The following SERP1 variants were observed in gnomAD, a reference collection of about 807,000 sequenced individuals.
The protein encoded by SERP1 is stress-associated endoplasmic reticulum protein 1.
In SERP1, 6 loss-of-function variants were observed where a neutral mutation model predicts 8.8. The observed-to-expected ratio is 0.68, with a 90% confidence interval of 0.37 to 1.35. The LOEUF (loss-of-function observed/expected upper bound fraction) is 1.35. SERP1 is among the 40% of genes most tolerant of loss of function. The pLI, the probability that SERP1 is intolerant of heterozygous loss-of-function variation, is 0.02. For synonymous variants in SERP1, 36 were observed against 28.7 expected (o/e 1.25, Z -0.81); for missense variants, 52 against 86.2 (o/e 0.60, Z 1.57).
chr3:150,542,604 T>G lies in SERP1; in HGVS notation c.*1854A>C, dbSNP rs773035972. 2 of 152,294 alleles carry G rather than the reference T, an allele frequency of 1.3e-5. No homozygotes were observed. The highest frequency in any genetic ancestry group is 4.1e-4 in the South Asian group (2 of 4,832). The allele number at this position is 152,294 out of a possible 1,614,324, so 9.4% of individuals were successfully genotyped here. A position where few individuals can be genotyped will look rare whatever the true frequency, so the allele number is the denominator to read the frequency against. On this transcript the variant is annotated 3_prime_UTR_variant, in exon 3 of 3. Transcript: ENST00000239944. ...TGCATAATCCAACCTGAATATAAAC[T>G]GCACTTAATTGGTGAATTACACATG...
rs1212439021 is a variant in SERP1 at position 150,545,767 on chromosome 3, G to A, written c.96C>T (p.Pro32=). ...AGGGTCCTACAGACGCCTTCTCTTC[G>A]GGGGCATTTCTCTGCAAAAGCGAAA... ...GNVAKTSRNA[P]EEKASVGPWL... The change falls in exon 2 of 3, where the codon CCC becomes CCT. Residue 32 remains proline, a synonymous_variant. Coordinates refer to ENST00000239944, the MANE Select transcript of SERP1 (RefSeq NM_014445.4). 3.1e-6 allele frequency: 5 copies of A among 1,606,776 alleles called. 1 individual carries two copies. In the African/African-American group the frequency reaches 4.0e-5, roughly 13 times the overall value.
At chr3:150,545,678 T>C (rs1722976595) in intron 2 of SERP1, 25 bp downstream of exon 2, 2 of 1,591,026 alleles carry the variant, frequency 1.3e-6, no homozygotes, top group Non-Finnish European at 1.7e-6. Flanking sequence ...AGACTCTACC[T>C]GATGGGAGCC....
chr3:150,544,236 A>T lies in SERP1; in HGVS notation c.*222T>A. 1.9e-6 allele frequency: 1 copy of T among 529,186 alleles called. No individual in the cohort carries two copies. 32.8% of individuals were successfully genotyped at this position (529,186 alleles called of 1,614,324 possible). On this transcript the variant is annotated 3_prime_UTR_variant, in exon 3 of 3. Coordinates refer to ENST00000239944, the MANE Select transcript of SERP1 (RefSeq NM_014445.4). The stretch of plus-strand genomic sequence containing the variant: ...TACTGTATCTTAACAATCAAATTTT[A>T]TTGCTTTATTCATGTGGTGTTTTTT...
At chr3:150,545,889 G>C (rs948127338) in intron 1 of SERP1, 111 bp from the exon 2 acceptor site, 1 of 1,357,266 alleles carries the variant, frequency 7.4e-7, no homozygotes, top group Non-Finnish European at 1.0e-6. Flanking sequence ...CTCCCCTTCC[G>C]TTCCCGAGCC....
rs1722919075 is a variant in SERP1, at chr3:150,543,424, G to C, written c.*1034C>G. The C allele has an allele frequency of 6.6e-6, 1 of 152,580 alleles. No homozygotes were observed. The highest frequency in any genetic ancestry group is 2.4e-5 in the African/African-American group (1 of 41,444). The allele number at this position is 152,580 out of a possible 1,614,324, so 9.5% of individuals were successfully genotyped here. A position where few individuals can be genotyped will look rare whatever the true frequency, so the allele number is the denominator to read the frequency against. On this transcript the variant is annotated 3_prime_UTR_variant, in exon 3 of 3. Coordinates refer to ENST00000239944, the MANE Select transcript of SERP1 (RefSeq NM_014445.4). ...TCAATTCCAGATGCCACTTTAGGCT[G>C]ATGTGTCTAGTACCCTAATGATTGA...
rs918050467 is a variant in SERP1, at chr3:150,542,644, T to C, written c.*1814A>G. The C allele has an allele frequency of 6.8e-6, 1 of 146,584 alleles. No individual in the cohort carries two copies. The highest frequency in any genetic ancestry group is 1.5e-5 in the Non-Finnish European group (1 of 65,996). 9.1% of individuals were successfully genotyped at this position (146,584 alleles called of 1,614,324 possible). A position where few individuals can be genotyped will look rare whatever the true frequency, so the allele number is the denominator to read the frequency against. On this transcript the variant is annotated 3_prime_UTR_variant, in exon 3 of 3. Coordinates refer to ENST00000239944, the MANE Select transcript of SERP1 (RefSeq NM_014445.4). ...AATTACACATGAAATACAAAGGGAA[T>C]GCAATTTTACATATGTAAAATGATT...
chr3:150,546,430 A>C lies in SERP1; in HGVS notation c.-295T>G. 1 of 553,388 alleles carries C rather than the reference A, an allele frequency of 1.8e-6. No individual in the cohort carries two copies. Among genetic ancestry groups the C allele is most frequent in the Non-Finnish European group, 3.2e-6 (1 of 316,620 alleles). 34.3% of individuals were successfully genotyped at this position (553,388 alleles called of 1,614,324 possible). Reference sequence around the variant, plus strand: ...CGCCGCCGCTTTGGCCGCCGCCGTGAGCGCGGAGTGAAAGAGGAAGGAAAC... The same window carrying C: ...CGCCGCCGCTTTGGCCGCCGCCGTGCGCGCGGAGTGAAAGAGGAAGGAAAC... On this transcript the variant is annotated 5_prime_UTR_variant, in exon 1 of 3. Coordinates refer to ENST00000239944, the MANE Select transcript of SERP1 (RefSeq NM_014445.4).
rs1722887132 is a variant in SERP1, at chr3:150,542,146, A to T, written c.*2312T>A. The T allele has an allele frequency of 6.6e-6, 1 of 152,246 alleles. No individual in the cohort carries two copies. 9.4% of individuals were successfully genotyped at this position (152,246 alleles called of 1,614,324 possible). ...TACAATTAATTGACAACTTGTTGAA[A>T]TGTTAGAGTTAAACCACAAAGAGTA... On this transcript the variant is annotated 3_prime_UTR_variant, in exon 3 of 3. Coordinates refer to ENST00000239944, the MANE Select transcript of SERP1 (RefSeq NM_014445.4).
Position 150,544,501 on chromosome 3 carries a change from GT to G in SERP1, c.161-4del. 3.1e-6 allele frequency: 5 copies of G among 1,609,672 alleles called. No homozygotes were observed. Among genetic ancestry groups the G allele is most frequent in the Non-Finnish European group, 4.2e-6 (5 of 1,176,600 alleles). Reference sequence around the variant, plus strand: ...ACTTTGAATAATCTGGAAAATTGCTGTAAAAAGAAAGAGCAAATATTAAAAT... The same window carrying G: ...ACTTTGAATAATCTGGAAAATTGCTGAAAAAGAAAGAGCAAATATTAAAAT... On this transcript the variant is annotated splice_polypyrimidine_tract_variant and splice_region_variant and intron_variant, in intron 2 of 2. Transcript: ENST00000239944.
Position 150,546,486 on chromosome 3 carries a change from C to T in SERP1, c.-351G>A, listed in dbSNP as rs1723029751. 7.0e-6 allele frequency: 4 copies of T among 571,644 alleles called. No homozygotes were observed. The highest frequency in any genetic ancestry group is 1.2e-5 in the Non-Finnish European group (4 of 321,876). The allele number at this position is 571,644 out of a possible 1,614,324, so 35.4% of individuals were successfully genotyped here. On this transcript the variant is annotated 5_prime_UTR_variant, in exon 1 of 3. Coordinates refer to ENST00000239944, the MANE Select transcript of SERP1 (RefSeq NM_014445.4). Reference sequence around the variant, plus strand: ...GCAACAACGGGAATGTGCAGCCCGCCGCCTCGATCTACTTTGGGTTCGGCT... The same window carrying T: ...GCAACAACGGGAATGTGCAGCCCGCTGCCTCGATCTACTTTGGGTTCGGCT...
chr3:150,545,534 G>C (rs977527126), intron 2 of SERP1, 169 bp downstream of exon 2: 6 of 670,760 alleles, frequency 8.9e-6, no homozygotes, highest in Non-Finnish European at 1.6e-5. Context: ...ACCACCCTCT[G>C]TGCATATGTG....
rs974933839 is a variant in SERP1, at chr3:150,543,380, T to C, written c.*1078A>G. ...TAACAAAGGGAAGACTAAAGACTGATCATTATCAGTAAATCCATTCAATTC... is the reference window on the plus strand; with the variant it reads ...TAACAAAGGGAAGACTAAAGACTGACCATTATCAGTAAATCCATTCAATTC... On this transcript the variant is annotated 3_prime_UTR_variant, in exon 3 of 3. Transcript: ENST00000239944. The C allele has an allele frequency of 8.5e-5, 13 of 152,696 alleles. No individual in the cohort carries two copies. Among genetic ancestry groups the C allele is most frequent in the African/African-American group, 2.6e-4 (11 of 41,558 alleles). The allele number at this position is 152,696 out of a possible 1,614,324, so 9.5% of individuals were successfully genotyped here. A position where few individuals can be genotyped will look rare whatever the true frequency, so the allele number is the denominator to read the frequency against.
Position 150,544,428 on chromosome 3 carries a change from G to A in SERP1, c.*30C>T, listed in dbSNP as rs1430003613. ...AATGAGTTCAAGTTAAAATTCACAG[G>A]AGAATGGAAACATCTTAAGGTCAGT... On this transcript the variant is annotated 3_prime_UTR_variant, in exon 3 of 3. Coordinates refer to ENST00000239944, the MANE Select transcript of SERP1 (RefSeq NM_014445.4). 4 of 1,600,998 alleles carry A rather than the reference G, an allele frequency of 2.5e-6. No individual in the cohort carries two copies. The highest frequency in any genetic ancestry group is 8.6e-7 in the Non-Finnish European group (1 of 1,168,714).
chr3:150,544,747 T>G lies in SERP1; in HGVS notation c.161-249A>C, dbSNP rs928806942. Among the ~76,000 whole-genome samples the G allele has an allele frequency of 1.3e-5, 2 of 152,258 alleles. 1 individual carries two copies. Among genetic ancestry groups the G allele is most frequent in the African/African-American group, 4.8e-5 (2 of 41,476 alleles). ...CTAAGTATCCAAGAGAACTTGCAGA[T>G]AAGTAATCATTTTACAAAGAACTTA... On this transcript the variant is annotated intron_variant, in intron 2 of 2. Transcript: ENST00000239944.
intron 1 of SERP1, 127 bp downstream of exon 1, chr3:150,545,925 C>A: frequency 7.2e-7 from 1 of 1,389,304 alleles, no homozygotes; most frequent in Admixed American, 2.1e-5. Context: ...TTCGCAGACT[C>A]GGGCCCCTAC....
Position 150,546,184 on chromosome 3 carries a change from C to T in SERP1, c.-49G>A, listed in dbSNP as rs769727055. The T allele has an allele frequency of 6.3e-7, 1 of 1,594,754 alleles. No homozygotes were observed. The highest frequency in any genetic ancestry group is 8.6e-7 in the Non-Finnish European group (1 of 1,168,002). On this transcript the variant is annotated 5_prime_UTR_variant, in exon 1 of 3. Transcript: ENST00000239944. ...CGGCCACCCCTCGGACTCGCTCACT[C>T]GCCTGCCTCCTCTGGAGCCGCTGCG...
chr3:150,545,556 T>C (rs1459846026), intron 2 of SERP1, 147 bp downstream of exon 2: 1 of 744,492 alleles, frequency 1.3e-6, no homozygotes, highest in Non-Finnish European at 2.3e-6. Context: ...AACAAGTAAT[T>C]TGGTTCAGAC....
rs779232455 is a variant in SERP1 at position 150,543,203 on chromosome 3, C to T, written c.*1255G>A. ...AACGCATTAATACATAGACACTGCTCAGGTTTTTTTTCACCAAGTTATGGC... is the reference window on the plus strand; with the variant it reads ...AACGCATTAATACATAGACACTGCTTAGGTTTTTTTTCACCAAGTTATGGC... On this transcript the variant is annotated 3_prime_UTR_variant, in exon 3 of 3. Transcript: ENST00000239944. The T allele has an allele frequency of 3.3e-5, 5 of 152,704 alleles. No homozygotes were observed. The highest frequency in any genetic ancestry group is 5.9e-5 in the Non-Finnish European group (4 of 68,010). 9.5% of individuals were successfully genotyped at this position (152,704 alleles called of 1,614,324 possible).
rs563202243 is a variant in SERP1, at chr3:150,544,271, T to C, written c.*187A>G. On this transcript the variant is annotated 3_prime_UTR_variant, in exon 3 of 3. Coordinates refer to ENST00000239944, the MANE Select transcript of SERP1 (RefSeq NM_014445.4). ...TCATGTGGTGTTTTTTGCAAGGCAC[T>C]GTGGTATGGACTAGAAAACTTGGAA... 1.2e-5 allele frequency: 7 copies of C among 595,406 alleles called. No homozygotes were observed. Among genetic ancestry groups the C allele is most frequent in the African/African-American group, 1.1e-4 (6 of 53,298 alleles). The allele number at this position is 595,406 out of a possible 1,614,324, so 36.9% of individuals were successfully genotyped here.
Sources: allele counts gnomAD v4.1 joint callset (sites outside exome capture counted in the v4.1 genomes callset), GRCh38; gene constraint gnomAD v4.1.1; transcripts MANE v1.5; gene names NCBI Gene and HGNC (gene_info 2026-07-23, HGNC 2026-07-21).